LCP2: variants seen among roughly 807,000 people sequenced by gnomAD.
LCP2 encodes 76 kDa tyrosine phosphoprotein.
A neutral mutation model predicts 74.5 loss-of-function variants in LCP2; 29 were observed. The ratio of observed to expected loss-of-function variants is 0.39; its 90% CI spans 0.29 to 0.53. The LOEUF is 0.53. Ranked by LOEUF, LCP2 falls within the 20% of genes least tolerant of loss-of-function variation. The pLI, the probability that LCP2 is intolerant of heterozygous loss-of-function variation, is 0.72. For missense variants in LCP2, 604 were observed against 634.6 expected (o/e 0.95, Z 0.52); for synonymous variants, 228 against 229.5 (o/e 0.99, Z 0.06).
chr5:170,289,561 G>A (rs1009079404), intron 2 of LCP2, among the ~76,000 whole-genome samples: 4 of 151,902 alleles, frequency 2.6e-5, no homozygotes, highest in African/African-American at 9.7e-5. Context: ...TGAGGGCATC[G>A]GGCTTTTGGT....
At chr5:170,274,542 G>C (rs4867953) in intron 5 of LCP2, among the ~76,000 whole-genome samples, 65,610 of 151,968 alleles carry the variant, frequency 0.43, 15,597 homozygotes, top group Middle Eastern at 0.69. Context: ...AGAGAACCAG[G>C]GGGTGGCGAT....
At chr5:170,266,933 A>C (rs745965655) in intron 9 of LCP2, 42 bp from the exon 10 acceptor site, 21 of 1,579,502 alleles carry the variant, frequency 1.3e-5, no homozygotes, top group Non-Finnish European at 1.8e-5. Flanking sequence ...AGAAGAAAGC[A>C]GTCGGCTGGG....
In LCP2 at chr5:170,277,024, C is replaced by T. The variant is rs184725938; in HGVS notation, c.189-1164G>A. Among the ~76,000 whole-genome samples the T allele has an allele frequency of 1.0e-4, 15 of 145,146 alleles. 1 individual carries two copies. The highest frequency in any genetic ancestry group is 3.5e-3 in the Middle Eastern group (1 of 282). ...CTGGGAGGTGGAGGTTGCAGTGAGCCGAGATCACACCACTGCACTCCAGCC... is the reference window on the plus strand; with the variant it reads ...CTGGGAGGTGGAGGTTGCAGTGAGCTGAGATCACACCACTGCACTCCAGCC... On this transcript the variant is annotated intron_variant, in intron 3 of 20. Coordinates refer to ENST00000046794, the MANE Select transcript of LCP2 (RefSeq NM_005565.5).
chr5:170,251,302 G>C, intron 19 of LCP2: 2 of 193,020 alleles, frequency 1.0e-5, no homozygotes, highest in Admixed American at 5.5e-5. Context: ...CACATCCAAA[G>C]TCAGAAAACA....
At chr5:170,267,118 A>C (rs371179886) in intron 8 of LCP2, 43 bp from the exon 9 acceptor site, 112 of 1,600,204 alleles carry the variant, frequency 7.0e-5, no homozygotes, top group Middle Eastern at 4.1e-4. Context: ...CCAATACATC[A>C]GCAAGAGCCG....
intron 2 of LCP2, among the ~76,000 whole-genome samples, chr5:170,289,659 TTCTTTCTTTCTTTC>T (rs1425014636): frequency 1.1e-4 from 12 of 112,528 alleles, no homozygotes; most frequent in South Asian, 3.1e-4. Context: ...CTTTCTTTCT[TTCTTTCTTTCTTTC>T]TCTCTCTCTC....
chr5:170,254,458 T>A (rs1382424252), intron 17 of LCP2, among the ~76,000 whole-genome samples: 2 of 152,166 alleles, frequency 1.3e-5, no homozygotes, highest in East Asian at 3.8e-4. Flanking sequence ...CCTTCCCTGT[T>A]TTTAAACAAG....
At chr5:170,266,694 A>G (rs1400110278) in intron 10 of LCP2, 114 bp downstream of exon 10, 7 of 893,618 alleles carry the variant, frequency 7.8e-6, no homozygotes, top group Non-Finnish European at 1.3e-5. Flanking sequence ...ACTAGTCTCC[A>G]CTTCCTAGTA....
chr5:170,284,161 A>T (rs1731265699), intron 3 of LCP2, among the ~76,000 whole-genome samples: 1 of 152,228 alleles, frequency 6.6e-6, no homozygotes, highest in Non-Finnish European at 1.5e-5. Flanking sequence ...GGACCACAAG[A>T]TGCAAACTCA....
intron 3 of LCP2, among the ~76,000 whole-genome samples, chr5:170,283,406 G>A (rs1208412285): frequency 6.6e-6 from 1 of 152,176 alleles, no homozygotes; most frequent in Admixed American, 6.5e-5. Flanking sequence ...GATCTTCCAA[G>A]CTGAAAGTGC....
intron 6 of LCP2, among the ~76,000 whole-genome samples, chr5:170,273,506 T>C (rs1315691517): frequency 6.6e-6 from 1 of 152,236 alleles, no homozygotes; most frequent in Non-Finnish European, 1.5e-5. Flanking sequence ...AGGTGGCCTC[T>C]TACCAGAAGG....
rs1440505024 is a variant in LCP2, at chr5:170,270,719, C to T, written c.523G>A (p.Asp175Asn). 8 of 1,570,830 alleles carry T rather than the reference C, an allele frequency of 5.1e-6. No individual in the cohort carries two copies. Among genetic ancestry groups the T allele is most frequent in the South Asian group, 1.2e-5 (1 of 84,204 alleles). The change falls in exon 7 of 21, where the codon GAC becomes AAC. Residue 175 changes from aspartate to asparagine, a missense_variant and splice_region_variant. Coordinates refer to ENST00000046794, the MANE Select transcript of LCP2 (RefSeq NM_005565.5). The part of the protein sequence containing the change: ...PFPNSNSMYI[D>N]RPPSGKTPQQ... ...AGAAAATCCGGAAACGGGCCCTTAC[C>T]GATGTACATGGAGTTGGAGTTGGGG... is the stretch of plus-strand genomic sequence containing the variant.
At chr5:170,264,360 C>T (rs1361017900) in intron 10 of LCP2, among the ~76,000 whole-genome samples, 1 of 152,240 alleles carries the variant, frequency 6.6e-6, no homozygotes, top group Non-Finnish European at 1.5e-5. Context: ...TGTTAGTTAA[C>T]TCGCCTTTCT....
At chr5:170,258,362 T>TC in intron 15 of LCP2, 196 bp from the exon 16 acceptor site, 1 of 530,044 alleles carries the variant, frequency 1.9e-6, no homozygotes, top group Non-Finnish European at 3.3e-6. Flanking sequence ...CACCATAGAA[T>TC]CCATTTACAA....
At chr5:170,267,282 C>A in intron 8 of LCP2, 1 of 602,718 alleles carries the variant, frequency 1.7e-6, no homozygotes, top group Non-Finnish European at 2.9e-6. Flanking sequence ...TTTCTGCAGG[C>A]AGCAGAGTGA....
In LCP2 at chr5:170,253,907, G is replaced by T. The variant is rs147760262; in HGVS notation, c.1151-694C>A. Among the ~76,000 whole-genome samples the T allele has an allele frequency of 2.6e-4, 39 of 152,294 alleles. No homozygotes were observed. The East Asian group carries it at 7.5e-3, about 29-fold the overall frequency. On this transcript the variant is annotated intron_variant, in intron 17 of 20. Coordinates refer to ENST00000046794, the MANE Select transcript of LCP2 (RefSeq NM_005565.5). ...TTTACAGTTCCTTGAAACTTTAGGAGAATGTTTCCTAATCTCAGGAAAGGT... is the reference window on the plus strand; with the variant it reads ...TTTACAGTTCCTTGAAACTTTAGGATAATGTTTCCTAATCTCAGGAAAGGT...
chr5:170,290,058 T>G (rs1366888173), intron 2 of LCP2, among the ~76,000 whole-genome samples: 1 of 152,134 alleles, frequency 6.6e-6, no homozygotes, highest in Admixed American at 6.5e-5. Context: ...GGACAAGAAC[T>G]GTGAGGAAAG....
intron 3 of LCP2, among the ~76,000 whole-genome samples, chr5:170,282,294 G>T (rs1432549346): frequency 3.3e-5 from 5 of 152,182 alleles, no homozygotes; most frequent in East Asian, 3.8e-4. Flanking sequence ...GGCCTTTGGG[G>T]TAATGAACAA....
chr5:170,283,183 T>C (rs959473155), intron 3 of LCP2, among the ~76,000 whole-genome samples: 2 of 152,164 alleles, frequency 1.3e-5, no homozygotes, highest in Admixed American at 1.3e-4. Flanking sequence ...GGGTGCACAT[T>C]CAAACACATT....
Sources: gnomAD v4.1 joint callset for allele counts (sites outside exome capture counted in the v4.1 genomes callset) on GRCh38, gnomAD v4.1.1 for gene constraint, MANE v1.5 for transcripts, NCBI Gene and HGNC (gene_info 2026-07-23, HGNC 2026-07-21) for gene names.